CAMTA1: variants seen among roughly 807,000 people sequenced by gnomAD.
The protein encoded by CAMTA1 is calmodulin binding transcription activator 1.
Under a neutral mutation model 170.9 loss-of-function variants are expected in CAMTA1, and 27 were observed. The observed-to-expected ratio is 0.16, with a 90% CI of 0.12 to 0.22. The LOEUF is 0.22. CAMTA1 is among the 10% of genes least tolerant of loss of function. The pLI, the probability that CAMTA1 is intolerant of heterozygous loss-of-function variation, is 1.00. For synonymous variants in CAMTA1, 833 were observed against 891.5 expected (o/e 0.93, Z 1.17); for missense variants, 1,619 against 2,217.2 (o/e 0.73, Z 5.42).
chr1:7,536,758 A>G, intron 6 of CAMTA1, among the ~76,000 whole-genome samples: 1 of 152,156 alleles, frequency 6.6e-6, no homozygotes, highest in East Asian at 1.9e-4. Flanking sequence ...GATCCGACCA[A>G]GGCCTTCCCT....
rs781434178 is a variant in CAMTA1, at chr1:7,335,140, G to GTGTGTGTGTGTGTGTGTGT, written c.438+85514_438+85515insTGTGTGTGTGTGTGTGTGT. Among the ~76,000 whole-genome samples the GTGTGTGTGTGTGTGTGTGT allele has an allele frequency of 5.5e-4, 34 of 61,532 alleles. 2 individuals are homozygous for GTGTGTGTGTGTGTGTGTGT. Among genetic ancestry groups the GTGTGTGTGTGTGTGTGTGT allele is most frequent in the East Asian group, 1.7e-3 (4 of 2,396 alleles). The allele number at this position is 61,532 out of a possible 152,430, so 40.4% of individuals were successfully genotyped here. On this transcript the variant is annotated intron_variant, in intron 5 of 22. Coordinates refer to ENST00000303635, the MANE Select transcript of CAMTA1 (RefSeq NM_015215.4). ...GCACAGCTTTTGTGTGTGTGTGTGT[G>GTGTGTGTGTGTGTGTGTGT]GGGGGGGGGGGGGGGGGTGGGGGTG...
chr1:7,167,741 GTTAATTAA>G (rs547455142), intron 4 of CAMTA1, among the ~76,000 whole-genome samples: 4 of 151,796 alleles, frequency 2.6e-5, no homozygotes, highest in Non-Finnish European at 5.9e-5. Context: ...AAATTAATTG[GTTAATTAA>G]TTAATTAATT....
intron 5 of CAMTA1, among the ~76,000 whole-genome samples, chr1:7,428,835 G>A (rs1004654077): frequency 7.9e-5 from 12 of 152,074 alleles, no homozygotes; most frequent in Admixed American, 1.3e-4. Flanking sequence ...GTCTGTGTGC[G>A]TCTGATTCCT....
chr1:7,142,220 C>A, intron 4 of CAMTA1: 1 of 497,370 alleles, frequency 2.0e-6, no homozygotes, highest in Non-Finnish European at 4.0e-6. Context: ...GTCCCTGAAC[C>A]TTAAAGAACC....
At chr1:7,610,148 C>T (rs889132204) in intron 6 of CAMTA1, among the ~76,000 whole-genome samples, 4 of 152,230 alleles carry the variant, frequency 2.6e-5, no homozygotes, top group African/African-American at 9.6e-5. Context: ...CACACGTGCT[C>T]ACATGTGCTC....
At chr1:7,347,953 G>A (rs2084346795) in intron 5 of CAMTA1, among the ~76,000 whole-genome samples, 1 of 152,212 alleles carries the variant, frequency 6.6e-6, no homozygotes, top group Non-Finnish European at 1.5e-5. Flanking sequence ...AGGTTAGGAT[G>A]TGGACGTATG....
At chr1:7,763,699 T>C (rs1315290936) in intron 22 of CAMTA1, among the ~76,000 whole-genome samples, 4 of 152,216 alleles carry the variant, frequency 2.6e-5, no homozygotes, top group Non-Finnish European at 4.4e-5. Flanking sequence ...CATAAAACAT[T>C]TCTGGCTTAT....
chr1:7,114,048 C>T (rs942361917), intron 4 of CAMTA1, among the ~76,000 whole-genome samples: 5 of 152,220 alleles, frequency 3.3e-5, no homozygotes, highest in African/African-American at 9.6e-5. Flanking sequence ...GGCCCACCCC[C>T]CATCCTCTCT....
intron 6 of CAMTA1, among the ~76,000 whole-genome samples, chr1:7,468,671 C>T (rs76676051): frequency 5.6e-4 from 86 of 152,352 alleles, no homozygotes; most frequent in African/African-American, 1.7e-3. Context: ...TGGTAGAACC[C>T]ATTCCCCATG....
intron 4 of CAMTA1, among the ~76,000 whole-genome samples, chr1:7,161,215 T>G (rs762489679): frequency 7.9e-5 from 12 of 152,176 alleles, no homozygotes; most frequent in Non-Finnish European, 1.8e-4. Context: ...TTCCCCACAT[T>G]CCTTTCATCT....
chr1:6,828,431 A>G (rs1427789821), intron 3 of CAMTA1, among the ~76,000 whole-genome samples: 1 of 151,436 alleles, frequency 6.6e-6, no homozygotes, highest in African/African-American at 2.4e-5. Flanking sequence ...AGCTGGGACT[A>G]CAGGTGCGTG....
chr1:7,374,281 G>A (rs1038653689), intron 5 of CAMTA1, among the ~76,000 whole-genome samples: 1 of 152,276 alleles, frequency 6.6e-6, no homozygotes, highest in African/African-American at 2.4e-5. Flanking sequence ...GAGCATGTAT[G>A]CATGCCTGCT....
At chr1:7,223,382 G>C (rs1661164250) in intron 4 of CAMTA1, among the ~76,000 whole-genome samples, 1 of 152,056 alleles carries the variant, frequency 6.6e-6, no homozygotes, top group African/African-American at 2.4e-5. Context: ...GTATGCATGC[G>C]TGTGTGTATG....
At chr1:7,252,376 A>G (rs970269006) in intron 5 of CAMTA1, among the ~76,000 whole-genome samples, 2 of 152,258 alleles carry the variant, frequency 1.3e-5, no homozygotes, top group Admixed American at 1.3e-4. Flanking sequence ...ATGGTCTACC[A>G]TGGGCATGGA....
chr1:7,364,167 C>T (rs951580468), intron 5 of CAMTA1, among the ~76,000 whole-genome samples: 1 of 152,186 alleles, frequency 6.6e-6, no homozygotes, highest in Non-Finnish European at 1.5e-5. Flanking sequence ...CAATGCTTAT[C>T]GAGTGCTGAC....
intron 7 of CAMTA1, among the ~76,000 whole-genome samples, chr1:7,655,142 CCACCTATACACA>C (rs879790061): frequency 1.3e-3 from 141 of 105,120 alleles, no homozygotes; most frequent in Admixed American, 3.7e-3. Context: ...ACACACAAAC[CCACCTATACACA>C]CACCTATACA....
At chr1:6,899,550 G>GCACACACA (rs1223938454) in intron 3 of CAMTA1, among the ~76,000 whole-genome samples, 2 of 85,200 alleles carry the variant, frequency 2.3e-5, no homozygotes, top group South Asian at 3.5e-4. Flanking sequence ...GCGCACGCGC[G>GCACACACA]CGCGCACACA....
At chr1:7,131,274 G>A (rs941311862) in intron 4 of CAMTA1, among the ~76,000 whole-genome samples, 2 of 151,954 alleles carry the variant, frequency 1.3e-5, no homozygotes, top group South Asian at 2.1e-4. Context: ...TTATAACAGC[G>A]TCATTTGAAG....
intron 6 of CAMTA1, among the ~76,000 whole-genome samples, chr1:7,569,393 TCAC>T (rs1301501315): frequency 1.7e-4 from 25 of 147,286 alleles, no homozygotes; most frequent in African/African-American, 3.3e-4. Flanking sequence ...ATCACCATCA[TCAC>T]CACATCACCA....
Sources: allele counts gnomAD v4.1 joint callset (sites outside exome capture counted in the v4.1 genomes callset), GRCh38; gene constraint gnomAD v4.1.1; transcripts MANE v1.5; gene names NCBI Gene and HGNC (gene_info 2026-07-23, HGNC 2026-07-21).